Variants in WSCD1 observed in about 807,000 individuals in gnomAD.
The protein encoded by WSCD1 is sialate:O-sulfotransferase 1.
A neutral mutation model predicts 60.4 loss-of-function variants in WSCD1; 41 were observed. The observed-to-expected ratio is 0.68, with a 90% CI of 0.53 to 0.88. The LOEUF is 0.88. WSCD1 is among the 40% of genes least tolerant of loss of function. WSCD1 has a pLI of 0.00. For missense variants in WSCD1, 784 were observed against 796.2 expected (o/e 0.98, Z 0.18); for synonymous variants, 361 against 332.5 (o/e 1.09, Z -0.93).
At chr17:6,093,205 A>G (rs1265343308) in intron 4 of WSCD1, among the ~76,000 whole-genome samples, 1 of 152,238 alleles carries the variant, frequency 6.6e-6, no homozygotes, top group Non-Finnish European at 1.5e-5. Flanking sequence ...TGAGAGTCGC[A>G]TCAGTGAAGT....
chr17:6,104,075 G>A lies in WSCD1; in HGVS notation c.850-5532G>A, dbSNP rs144160273. 4.5e-3 allele frequency among the ~76,000 whole-genome samples: 688 copies of A among 152,272 alleles called. 4 individuals are homozygous for A. The highest frequency in any genetic ancestry group is 0.02 in the South Asian group (95 of 4,814). ...GCATCTGCTTCCGGTGAGGCCTCAG[G>A]AAGCTTCCAATCATGGTAGAAGGTG... is the stretch of plus-strand genomic sequence containing the variant. On this transcript the variant is annotated intron_variant, in intron 5 of 8. Coordinates refer to ENST00000317744, the MANE Select transcript of WSCD1 (RefSeq NM_015253.2).
intron 1 of WSCD1, among the ~76,000 whole-genome samples, chr17:6,074,084 T>C (rs1165332325): frequency 6.6e-6 from 1 of 152,250 alleles, no homozygotes; most frequent in Non-Finnish European, 1.5e-5. Context: ...TGTTAAATTT[T>C]TTATTTATAT....
intron 3 of WSCD1, among the ~76,000 whole-genome samples, chr17:6,088,496 A>G (rs75862814): frequency 0.024 from 3,635 of 152,272 alleles, 143 homozygotes; most frequent in African/African-American, 0.081. Context: ...TTACAATAAG[A>G]TAAAGGGCTT....
intron 5 of WSCD1, among the ~76,000 whole-genome samples, chr17:6,105,347 C>T (rs1911028631): frequency 1.3e-5 from 2 of 152,198 alleles, no homozygotes; most frequent in Admixed American, 1.3e-4. Flanking sequence ...AATCTATCTT[C>T]TCACTTTCTT....
chr17:6,095,681 C>G (rs1328975551), intron 5 of WSCD1, among the ~76,000 whole-genome samples: 2 of 152,208 alleles, frequency 1.3e-5, no homozygotes, highest in African/African-American at 4.8e-5. Flanking sequence ...AGCGTGACCC[C>G]ATGGAGGGGC....
intron 5 of WSCD1, among the ~76,000 whole-genome samples, chr17:6,100,267 AAGTTCTCC>A (rs1910721888): frequency 6.6e-6 from 1 of 152,034 alleles, no homozygotes; most frequent in African/African-American, 2.4e-5. Context: ...TGTGGGAGGG[AAGTTCTCC>A]TTGGATCCTT....
In WSCD1 at chr17:6,120,596, A is replaced by G; in HGVS notation, c.1663A>G (p.Thr555Ala). ...MKDLINGYIR[T>A]VDQALRDHNW... ...AGACTTGATCAATGGCTACATCCGG[A>G]CGGTGGACCAAGCCCTGCGTGACCA... Residue 555 changes from threonine to alanine, a missense_variant, in exon 9 of 9, where the codon ACG becomes GCG. Transcript: ENST00000317744. 3.1e-6 allele frequency: 5 copies of G among 1,613,576 alleles called. No homozygotes were observed. The highest frequency in any genetic ancestry group is 4.2e-6 in the Non-Finnish European group (5 of 1,179,988).
chr17:6,120,043 G>C (rs1401507083), intron 8 of WSCD1, among the ~76,000 whole-genome samples: 1 of 152,204 alleles, frequency 6.6e-6, no homozygotes, highest in African/African-American at 2.4e-5. Flanking sequence ...GCATCACGCT[G>C]ACTTAGCTTT....
At chr17:6,085,775 A>G (rs1909598115) in intron 2 of WSCD1, among the ~76,000 whole-genome samples, 1 of 152,222 alleles carries the variant, frequency 6.6e-6, no homozygotes, top group Admixed American at 6.5e-5. Context: ...TGAGCAACCC[A>G]TCAGAAATTT....
intron 1 of WSCD1, among the ~76,000 whole-genome samples, chr17:6,072,121 C>T (rs1034810331): frequency 1.3e-5 from 2 of 152,256 alleles, no homozygotes; most frequent in Admixed American, 6.5e-5. Flanking sequence ...GTGAGGGGAT[C>T]CCTCTCTTCA....
chr17:6,102,242 T>C (rs908076786), intron 5 of WSCD1, among the ~76,000 whole-genome samples: 8 of 152,248 alleles, frequency 5.3e-5, no homozygotes, highest in Non-Finnish European at 7.3e-5. Flanking sequence ...GGAACCTGTT[T>C]GTTCTCAGCT....
At chr17:6,104,027 C>A (rs1910953214) in intron 5 of WSCD1, among the ~76,000 whole-genome samples, 1 of 152,184 alleles carries the variant, frequency 6.6e-6, no homozygotes, top group Admixed American at 6.5e-5. Context: ...CATGGTTCTG[C>A]AAGTTGCATA....
rs78152785 is a variant in WSCD1, at chr17:6,118,575, C to T, written c.1375+387C>T. The stretch of plus-strand genomic sequence containing the variant: ...TGCACATGGACCTGCTTTGCACCTT[C>T]CTCTGTGTTCAGCACCAGGTTCCTC... On this transcript the variant is annotated intron_variant, in intron 8 of 8. Coordinates refer to ENST00000317744, the MANE Select transcript of WSCD1 (RefSeq NM_015253.2). The surrounding 1 kb of genome is among the most constrained non-coding windows in gnomAD (Gnocchi z 5.8). Among the ~76,000 whole-genome samples, 2,365 of 152,310 alleles carry T rather than the reference C, an allele frequency of 0.016. 46 individuals are homozygous for T. The highest frequency in any genetic ancestry group is 0.041 in the Middle Eastern group (12 of 294).
chr17:6,101,391 G>A lies in WSCD1; in HGVS notation c.849+6168G>A, dbSNP rs769599656. ...GCTAGGGGCTTAATTAGAGCTGGCC[G>A]GGCAGTGGGGCTGGGAGCAGCAGAT... On this transcript the variant is annotated intron_variant, in intron 5 of 8. Transcript: ENST00000317744. This position sits in a 1 kb window ranked among gnomAD's most constrained non-coding sequence, Gnocchi z 4.1. Among the ~76,000 whole-genome samples, 7 of 152,146 alleles carry A rather than the reference G, an allele frequency of 4.6e-5. No individual in the cohort carries two copies. Among genetic ancestry groups the A allele is most frequent in the Non-Finnish European group, 1.0e-4 (7 of 68,026 alleles).
intron 5 of WSCD1, among the ~76,000 whole-genome samples, chr17:6,104,674 C>T (rs1420473775): frequency 1.3e-5 from 2 of 152,190 alleles, no homozygotes; most frequent in East Asian, 1.9e-4. Flanking sequence ...CCAGATCTGC[C>T]TCTGGAGTGA....
intron 7 of WSCD1, among the ~76,000 whole-genome samples, chr17:6,116,713 A>G (rs1911701462): frequency 6.6e-6 from 1 of 152,200 alleles, no homozygotes; most frequent in South Asian, 2.1e-4. Flanking sequence ...CAGTGGGTAA[A>G]CCCGGACTTC....
rs757483026 is a variant in WSCD1, at chr17:6,120,676, G to A, written c.*15G>A. The stretch of plus-strand genomic sequence containing the variant: ...TGCCCAGATGATAGGCCTGGCCCAC[G>A]CCGCCGCCCCCGCTGAGTGACGCAA... On this transcript the variant is annotated 3_prime_UTR_variant, in exon 9 of 9. Coordinates refer to ENST00000317744, the MANE Select transcript of WSCD1 (RefSeq NM_015253.2). 63 of 1,594,870 alleles carry A rather than the reference G, an allele frequency of 4.0e-5. No individual in the cohort carries two copies. The highest frequency in any genetic ancestry group is 1.7e-4 in the Middle Eastern group (1 of 5,982).
At position 6,120,813 on chromosome 17, in the gene WSCD1, G is replaced by T; in HGVS notation, c.*152G>T. On this transcript the variant is annotated 3_prime_UTR_variant, in exon 9 of 9. Transcript: ENST00000317744. ...GCTGCCTCCCGCACAAGGAGACCTG[G>T]ACACAACAGACACACATCACAAGGC... 2.7e-6 allele frequency: 2 copies of T among 730,166 alleles called. No homozygotes were observed. The highest frequency in any genetic ancestry group is 1.9e-5 in the South Asian group (1 of 52,898). 45.2% of individuals were successfully genotyped at this position (730,166 alleles called of 1,614,324 possible). A position where few individuals can be genotyped will look rare whatever the true frequency, so the allele number is the denominator to read the frequency against.
chr17:6,093,730 A>G (rs1003563154), intron 4 of WSCD1, among the ~76,000 whole-genome samples: 1 of 152,194 alleles, frequency 6.6e-6, no homozygotes, highest in African/African-American at 2.4e-5. Flanking sequence ...GTGCGTGGGT[A>G]TACATTGTTC....
Sources: gnomAD v4.1 joint callset for allele counts (sites outside exome capture counted in the v4.1 genomes callset) on GRCh38, gnomAD v4.1.1 for gene constraint, Gnocchi (gnomAD v3.1) non-coding constraint, MANE v1.5 for transcripts, NCBI Gene and HGNC (gene_info 2026-07-23, HGNC 2026-07-21) for gene names.